ADAMTS6: variants seen among roughly 807,000 people sequenced by gnomAD.
ADAMTS6 encodes A disintegrin and metalloproteinase with thrombospondin motifs 6.
Under a neutral mutation model 144.3 loss-of-function variants are expected in ADAMTS6, and 23 were observed. The ratio of observed to expected loss-of-function variants is 0.16; its 90% CI spans 0.11 to 0.23. ADAMTS6 has a LOEUF of 0.23. Ranked by LOEUF, ADAMTS6 falls within the 10% of genes least tolerant of loss-of-function variation. The pLI, the probability that ADAMTS6 is intolerant of heterozygous loss-of-function variation, is 1.00. For synonymous variants in ADAMTS6, 444 were observed against 457.5 expected (o/e 0.97, Z 0.38); for missense variants, 999 against 1,379.6 (o/e 0.72, Z 4.37).
chr5:65,311,519 A>G (rs1744489567), intron 9 of ADAMTS6, among the ~76,000 whole-genome samples: 1 of 152,108 alleles, frequency 6.6e-6, no homozygotes, highest in Admixed American at 6.5e-5. Flanking sequence ...TAACAAAACA[A>G]AATTTCCTTA....
At chr5:65,174,202 G>C (rs1753810816) in intron 22 of ADAMTS6, among the ~76,000 whole-genome samples, 1 of 152,166 alleles carries the variant, frequency 6.6e-6, no homozygotes, top group African/African-American at 2.4e-5. Flanking sequence ...TTGGAGACGT[G>C]AGTCTTGCTG....
intron 3 of ADAMTS6, among the ~76,000 whole-genome samples, chr5:65,463,353 A>G (rs1394053880): frequency 6.6e-6 from 1 of 152,176 alleles, no homozygotes; most frequent in Non-Finnish European, 1.5e-5. Context: ...AGGTAGGAGC[A>G]TACTTACAGT....
At chr5:65,235,397 T>C (rs930642695) in intron 15 of ADAMTS6, among the ~76,000 whole-genome samples, 2 of 152,214 alleles carry the variant, frequency 1.3e-5, no homozygotes, top group Non-Finnish European at 1.5e-5. Flanking sequence ...GCTGTTGTGA[T>C]GGTTAATACA....
chr5:65,333,220 T>C lies in ADAMTS6; in HGVS notation c.1117+822A>G, dbSNP rs558522098. On this transcript the variant is annotated intron_variant, in intron 8 of 24. Transcript: ENST00000381055. ...AGTCTGTAAAAAGTCTCTATGACCT[T>C]AAAAAATTGAGAAAAAAAGCTTCTG... Among the ~76,000 whole-genome samples the C allele has an allele frequency of 3.9e-5, 6 of 152,144 alleles. No individual in the cohort carries two copies. In the East Asian group the frequency reaches 1.2e-3, roughly 29 times the overall value.
intron 7 of ADAMTS6, among the ~76,000 whole-genome samples, chr5:65,399,352 G>A (rs1029688846): frequency 4.6e-5 from 7 of 152,092 alleles, no homozygotes; most frequent in Non-Finnish European, 7.4e-5. Flanking sequence ...TGGTGCATTT[G>A]GAGCATTGAT....
intron 11 of ADAMTS6, among the ~76,000 whole-genome samples, chr5:65,275,375 G>C (rs955464583): frequency 7.2e-4 from 88 of 122,018 alleles, no homozygotes; most frequent in African/African-American, 2.6e-3. Context: ...AAGAAAGAAA[G>C]AAAGAAAGAA....
intron 7 of ADAMTS6, among the ~76,000 whole-genome samples, chr5:65,416,748 TAAAA>T (rs143757215): frequency 3.0e-5 from 4 of 132,734 alleles, no homozygotes; most frequent in Non-Finnish European, 4.8e-5. Flanking sequence ...AGACTCCATT[TAAAA>T]AAAAAAAAAA....
intron 11 of ADAMTS6, among the ~76,000 whole-genome samples, chr5:65,279,887 G>A (rs1057361235): frequency 2.0e-5 from 3 of 151,930 alleles, no homozygotes; most frequent in African/African-American, 7.3e-5. Context: ...TTGTTTCCTC[G>A]TGTTGTTTGT....
intron 20 of ADAMTS6, among the ~76,000 whole-genome samples, chr5:65,205,256 G>A (rs528102484): frequency 1.4e-4 from 21 of 152,084 alleles, no homozygotes; most frequent in South Asian, 2.1e-4. Flanking sequence ...TTGTTATTAC[G>A]TCCGTAAAAC....
chr5:65,255,007 A>G (rs996893798), intron 14 of ADAMTS6, among the ~76,000 whole-genome samples: 2 of 152,190 alleles, frequency 1.3e-5, no homozygotes, highest in African/African-American at 4.8e-5. Context: ...TACTTCTACT[A>G]GTAAAGATAG....
intron 7 of ADAMTS6, among the ~76,000 whole-genome samples, chr5:65,342,706 A>G (rs771398428): frequency 6.6e-6 from 1 of 152,222 alleles, no homozygotes; most frequent in Non-Finnish European, 1.5e-5. Flanking sequence ...AGCCAGAACA[A>G]TAAAGCAAGA....
At chr5:65,450,096 T>C (rs1758619450) in intron 7 of ADAMTS6, among the ~76,000 whole-genome samples, 1 of 152,206 alleles carries the variant, frequency 6.6e-6, no homozygotes, top group Non-Finnish European at 1.5e-5. Flanking sequence ...CAGAAAGGTT[T>C]CCACATTCGC....
chr5:65,411,122 G>A (rs1755010176), intron 7 of ADAMTS6, among the ~76,000 whole-genome samples: 1 of 152,144 alleles, frequency 6.6e-6, no homozygotes, highest in African/African-American at 2.4e-5. Flanking sequence ...ACAGGTGTGA[G>A]CCACTGAGCC....
At chr5:65,436,587 A>G (rs1468590263) in intron 7 of ADAMTS6, among the ~76,000 whole-genome samples, 1 of 152,104 alleles carries the variant, frequency 6.6e-6, no homozygotes, top group Non-Finnish European at 1.5e-5. Context: ...TGTAATCCCA[A>G]TACTTTGGGA....
chr5:65,192,680 C>G (rs944083966), intron 21 of ADAMTS6, among the ~76,000 whole-genome samples: 2 of 147,042 alleles, frequency 1.4e-5, no homozygotes, highest in Non-Finnish European at 3.0e-5. Context: ...TTATTTAAGG[C>G]TATGTCATGG....
intron 7 of ADAMTS6, among the ~76,000 whole-genome samples, chr5:65,340,043 T>C (rs556059598): frequency 6.6e-6 from 1 of 152,252 alleles, no homozygotes; most frequent in South Asian, 2.1e-4. Flanking sequence ...TCTAAATGGA[T>C]TTACTCCAAA....
intron 22 of ADAMTS6, among the ~76,000 whole-genome samples, chr5:65,178,367 G>A (rs947587357): frequency 3.3e-5 from 5 of 152,178 alleles, no homozygotes; most frequent in African/African-American, 1.2e-4. Flanking sequence ...ATCAAATAGA[G>A]GCAGGATTTG....
chr5:65,464,281 T>C (rs1361090827), intron 3 of ADAMTS6, among the ~76,000 whole-genome samples: 4 of 152,266 alleles, frequency 2.6e-5, no homozygotes, highest in Non-Finnish European at 4.4e-5. Context: ...TAAAACCAAT[T>C]TAGTAAAATA....
At chr5:65,378,722 C>CTTT (rs1751773415) in intron 7 of ADAMTS6, among the ~76,000 whole-genome samples, 1 of 152,114 alleles carries the variant, frequency 6.6e-6, no homozygotes, top group Non-Finnish European at 1.5e-5. Flanking sequence ...TACTACAGCA[C>CTTT]CATACTACAC....
Sources: allele counts gnomAD v4.1 joint callset (sites outside exome capture counted in the v4.1 genomes callset), GRCh38; gene constraint gnomAD v4.1.1; transcripts MANE v1.5; gene names NCBI Gene and HGNC (gene_info 2026-07-23, HGNC 2026-07-21).